RORA: variants seen among roughly 807,000 people sequenced by gnomAD.
RORA encodes RAR related orphan receptor A, also known as nuclear receptor ROR-alpha.
Under a neutral mutation model 69.5 loss-of-function variants are expected in RORA, and 7 were observed. That is an observed-to-expected ratio of 0.10 (90% confidence interval 0.06 to 0.19). RORA has a LOEUF of 0.19. Ranked by LOEUF, RORA falls within the 10% of genes least tolerant of loss-of-function variation. The pLI is 1.00. For missense variants in RORA, 457 were observed against 663.0 expected (o/e 0.69, Z 3.41); for synonymous variants, 261 against 240.8 (o/e 1.08, Z -0.78).
chr15:60,588,432 A>C (rs1314598437), intron 2 of RORA, among the ~76,000 whole-genome samples: 1 of 142,194 alleles, frequency 7.0e-6, no homozygotes, highest in African/African-American at 2.7e-5. Context: ...CCCTACATCT[A>C]CCTCTGCAAA....
intron 1 of RORA, among the ~76,000 whole-genome samples, chr15:61,160,450 C>A (rs2079484784): frequency 6.6e-6 from 1 of 151,650 alleles, no homozygotes; most frequent in East Asian, 1.9e-4. Flanking sequence ...TCTTATTGAG[C>A]TTTAATATTC....
chr15:60,730,232 T>C (rs186884242), intron 1 of RORA, among the ~76,000 whole-genome samples: 1 of 152,314 alleles, frequency 6.6e-6, no homozygotes, highest in African/African-American at 2.4e-5. Context: ...GAAGACGGCT[T>C]TCCTCCCACA....
chr15:60,628,159 T>C (rs1290186846), intron 2 of RORA, among the ~76,000 whole-genome samples: 1 of 152,222 alleles, frequency 6.6e-6, no homozygotes, highest in Non-Finnish European at 1.5e-5. Flanking sequence ...TGGTGTCCTC[T>C]TCCTGTTGCA....
Position 60,511,927 on chromosome 15 carries a change from C to A in RORA, c.425-306G>T, listed in dbSNP as rs1038394929. 1 of 310,238 alleles carries A rather than the reference C, an allele frequency of 3.2e-6. No homozygotes were observed. Among genetic ancestry groups the A allele is most frequent in the Non-Finnish European group, 6.0e-6 (1 of 166,014 alleles). 19.2% of individuals were successfully genotyped at this position (310,238 alleles called of 1,614,324 possible). The stretch of plus-strand genomic sequence containing the variant: ...TCACATCCCCCGTTTCCACTGCGCC[C>A]CACTGATAACTTAATGGGCTTGTTC... On this transcript the variant is annotated intron_variant, in intron 4 of 10. Coordinates refer to ENST00000335670, the MANE Select transcript of RORA (RefSeq NM_134261.3). The surrounding 1 kb of genome is among the most constrained non-coding windows in gnomAD (Gnocchi z 6.4).
intron 3 of RORA, among the ~76,000 whole-genome samples, chr15:60,516,223 T>TTATATATATATTTA (rs1567052649): frequency 0.041 from 474 of 11,540 alleles, 15 homozygotes; most frequent in South Asian, 0.1. Flanking sequence ...ATATATATAT[T>TTATATATATATTTA]TATATATATA....
intron 1 of RORA, among the ~76,000 whole-genome samples, chr15:60,865,990 A>G (rs1014180388): frequency 2.2e-5 from 3 of 138,288 alleles, no homozygotes; most frequent in Non-Finnish European, 3.2e-5. Flanking sequence ...TGATACAAAC[A>G]TACAATATAT....
At chr15:60,609,624 T>C (rs1021083917) in intron 2 of RORA, among the ~76,000 whole-genome samples, 11 of 152,164 alleles carry the variant, frequency 7.2e-5, no homozygotes, top group African/African-American at 2.7e-4. Flanking sequence ...ATACCTGCCA[T>C]AACAGAAGCC....
intron 2 of RORA, among the ~76,000 whole-genome samples, chr15:60,622,936 G>A (rs1457662062): frequency 1.3e-5 from 2 of 151,980 alleles, no homozygotes; most frequent in Non-Finnish European, 2.9e-5. Context: ...GGCTGGTCTC[G>A]AACTCCTGAC....
chr15:61,106,748 A>T (rs946353327), intron 1 of RORA, among the ~76,000 whole-genome samples: 4 of 152,178 alleles, frequency 2.6e-5, no homozygotes, highest in African/African-American at 9.7e-5. Context: ...CAGTATATAC[A>T]TCTTTCCATC....
intron 2 of RORA, chr15:60,677,243 A>T (rs1393247300): frequency 2.2e-6 from 1 of 455,560 alleles, no homozygotes; most frequent in Non-Finnish European, 4.4e-6. Context: ...CTGCGGATAT[A>T]CAGAGGACTT....
chr15:61,214,116 G>T (rs1041653888), intron 1 of RORA: 1 of 152,182 alleles, frequency 6.6e-6, no homozygotes, highest in African/African-American at 2.4e-5. Context: ...AGCTGAAGTC[G>T]CAAAATGTGA....
At chr15:60,679,831 A>G (rs2070615474) in intron 1 of RORA, among the ~76,000 whole-genome samples, 1 of 152,168 alleles carries the variant, frequency 6.6e-6, no homozygotes, top group Admixed American at 6.6e-5. Context: ...ACACTTTCCA[A>G]AGGACTTATT....
intron 2 of RORA, among the ~76,000 whole-genome samples, chr15:60,668,327 G>GTT (rs775621567): frequency 6.6e-6 from 1 of 152,184 alleles, no homozygotes; most frequent in East Asian, 1.9e-4. Context: ...TAAGAGAGAA[G>GTT]TTTTTTAACA....
intron 2 of RORA, among the ~76,000 whole-genome samples, chr15:60,620,942 T>C (rs893769430): frequency 6.6e-6 from 1 of 152,228 alleles, no homozygotes; most frequent in African/African-American, 2.4e-5. Flanking sequence ...TGCCAAGTGC[T>C]GCAATCCCGG....
chr15:61,138,629 A>G (rs1218572364), intron 1 of RORA, among the ~76,000 whole-genome samples: 1 of 152,100 alleles, frequency 6.6e-6, no homozygotes, highest in Non-Finnish European at 1.5e-5. Context: ...CTTGTACCCC[A>G]TAGATAGAGA....
At chr15:60,821,419 G>A (rs1321718954) in intron 1 of RORA, among the ~76,000 whole-genome samples, 1 of 152,152 alleles carries the variant, frequency 6.6e-6, no homozygotes, top group East Asian at 1.9e-4. Flanking sequence ...CCTCCAGAAG[G>A]TAGGGCTCGC....
chr15:60,769,117 G>C (rs148139920), intron 1 of RORA, among the ~76,000 whole-genome samples: 243 of 152,264 alleles, frequency 1.6e-3, no homozygotes, highest in African/African-American at 5.6e-3. Flanking sequence ...GAGTAAAGAA[G>C]GGCCACCCCT....
At chr15:60,620,815 C>G (rs2069383595) in intron 2 of RORA, among the ~76,000 whole-genome samples, 1 of 152,230 alleles carries the variant, frequency 6.6e-6, no homozygotes, top group African/African-American at 2.4e-5. Context: ...CACCCTGGCG[C>G]TGATGGCTGC....
chr15:60,962,261 G>A (rs1487671457), intron 1 of RORA, among the ~76,000 whole-genome samples: 8 of 152,172 alleles, frequency 5.3e-5, no homozygotes, highest in African/African-American at 7.2e-5. Flanking sequence ...CAGACCGAGC[G>A]TAAGCCTGGC....
Sources: allele counts gnomAD v4.1 joint callset (sites outside exome capture counted in the v4.1 genomes callset), GRCh38; gene constraint gnomAD v4.1.1; non-coding constraint Gnocchi (gnomAD v3.1); transcripts MANE v1.5; gene names NCBI Gene and HGNC (gene_info 2026-07-23, HGNC 2026-07-21).